GGCT: variants seen among roughly 807,000 people sequenced by gnomAD.
GGCT encodes the protein cytochrome c-releasing factor 21.
Under a neutral mutation model 22.1 loss-of-function variants are expected in GGCT, and 20 were observed. The ratio of observed to expected loss-of-function variants is 0.91; its 90% CI spans 0.64 to 1.32. The LOEUF (loss-of-function observed/expected upper bound fraction) is 1.32, where lower values mean the gene tolerates loss of function less well. GGCT is among the 40% of genes most tolerant of loss of function. The pLI is 0.00. For missense variants in GGCT, 209 were observed against 223.5 expected, an observed-to-expected ratio of 0.94 and a Z score of 0.41; for synonymous variants, 72 against 78.4, an observed-to-expected ratio of 0.92 and a Z score of 0.43.
chr7:30,497,754 C>A (rs1220282346), intron 3 of GGCT: 1 of 1,435,598 alleles, frequency 7.0e-7, no homozygotes, highest in Non-Finnish European at 9.2e-7. Context: ...TTACAGGTGC[C>A]ATGACCTGAT....
chr7:30,501,109 C>T (rs949632994), intron 1 of GGCT, among the ~76,000 whole-genome samples: 2 of 152,100 alleles, frequency 1.3e-5, no homozygotes, highest in Non-Finnish European at 2.9e-5. Flanking sequence ...TGTAGAGTAT[C>T]CTACCAACAT....
chr7:30,499,154 G>C (rs1310047162), intron 2 of GGCT: 3 of 523,954 alleles, frequency 5.7e-6, no homozygotes, highest in East Asian at 7.3e-5. Flanking sequence ...GCTCACATCT[G>C]TAATCCCAGC....
chr7:30,497,768 G>GC, intron 3 of GGCT: 1 of 1,445,504 alleles, frequency 6.9e-7, no homozygotes, highest in Non-Finnish European at 9.2e-7. Context: ...ACCTGATTGG[G>GC]CCTGCCAACA....
rs1335362335 is a variant in GGCT at position 30,498,811 on chromosome 7, A to G, written c.415T>C (p.Tyr139His). The change falls in exon 3 of 4, where the codon TAT becomes CAT. Residue 139 changes from tyrosine (Y) to histidine (H), a missense_variant. Coordinates refer to ENST00000275428, the MANE Select transcript of GGCT (RefSeq NM_024051.4). ...NYESAPPSPQYKKIICMGAKE... is the reference protein window; with the variant it reads ...NYESAPPSPQHKKIICMGAKE... ...GTCTGTAAATAGCTTACCTTTTTAT[A>G]CTGTGGGGATGGGGGAGCACTTTCG... 1 of 1,612,582 alleles carries G rather than the reference A, an allele frequency of 6.2e-7. No individual in the cohort carries two copies. Among genetic ancestry groups the G allele is most frequent in the South Asian group, 1.1e-5 (1 of 91,048 alleles).
At chr7:30,499,856 A>C (rs1348505513) in intron 2 of GGCT, among the ~76,000 whole-genome samples, 1 of 144,326 alleles carries the variant, frequency 6.9e-6, no homozygotes, top group Non-Finnish European at 1.5e-5. Flanking sequence ...TTTCAACTTT[A>C]TACTATGGAA....
In GGCT at chr7:30,496,908, T is replaced by A. The variant is rs1789548168; in HGVS notation, c.*184A>T. 1 of 413,250 alleles carries A rather than the reference T, an allele frequency of 2.4e-6. No individual in the cohort carries two copies. The highest frequency in any genetic ancestry group is 4.3e-6 in the Non-Finnish European group (1 of 234,778). The allele number at this position is 413,250 out of a possible 1,614,324, so 25.6% of individuals were successfully genotyped here. On this transcript the variant is annotated 3_prime_UTR_variant, in exon 4 of 4. Coordinates refer to ENST00000275428, the MANE Select transcript of GGCT (RefSeq NM_024051.4). The stretch of plus-strand genomic sequence containing the variant: ...CAGGCCCTCATACACCCCTTTTAAA[T>A]TGTCTAACTCCTATCCCAGTTTCTT...
At position 30,504,701 on chromosome 7, in the gene GGCT, G is replaced by C. The variant is rs542428434; in HGVS notation, c.9C>G (p.Asn3Lys). 1 of 1,614,104 alleles carries C rather than the reference G, an allele frequency of 6.2e-7. No individual in the cohort carries two copies. The highest frequency in any genetic ancestry group is 2.2e-5 in the East Asian group (1 of 44,866). The change falls in exon 1 of 4, where the codon AAC (asparagine) becomes AAG (lysine). Residue 3 changes from asparagine to lysine, a missense_variant. Asn to Lys is a moderately conservative substitution (Grantham distance 94, BLOSUM62 0). Transcript: ENST00000275428. The stretch of plus-strand genomic sequence containing the variant: ...GACCCGTGACGTCCTTGCAGCCCGA[G>C]TTGGCCATATCCCACTACGCCCCTG... Reference protein sequence around the residue: MANSGCKDVTGPD... With the variant: MAKSGCKDVTGPD...
At chr7:30,499,735 C>T (rs1789654430) in intron 2 of GGCT, among the ~76,000 whole-genome samples, 6 of 151,572 alleles carry the variant, frequency 4.0e-5, no homozygotes. Flanking sequence ...GTAAGCTTAG[C>T]TTAGCATTTC....
chr7:30,504,633 A>G lies in GGCT; in HGVS notation c.77T>C (p.Leu26Pro), dbSNP rs1206065396. Residue 26 changes from leucine (L) to proline (P), a missense_variant, in exon 1 of 4, where the codon CTG (leucine) becomes CCG (proline). Transcript: ENST00000275428. ...SFLYFAYGSN[L>P]LTERIHLRNP... ...TCGGAGGTGGATCCTCTCTGTCAGC[A>G]GGTTGCTGCCGTAGGCAAAGTACAG... 3 of 1,614,018 alleles carry G rather than the reference A, an allele frequency of 1.9e-6. No individual in the cohort carries two copies. Among genetic ancestry groups the G allele is most frequent in the Non-Finnish European group, 2.5e-6 (3 of 1,179,986 alleles).
chr7:30,499,030 T>A (rs1304405132), intron 2 of GGCT, 92 bp from the exon 3 acceptor site: 5 of 1,115,574 alleles, frequency 4.5e-6, no homozygotes, highest in Non-Finnish European at 6.9e-6. Flanking sequence ...AGATGGTGTA[T>A]GGGATTAAAC....
In GGCT at chr7:30,504,824, T is replaced by A; in HGVS notation, c.-115A>T. The A allele has an allele frequency of 9.4e-7, 1 of 1,069,268 alleles. No homozygotes were observed. The highest frequency in any genetic ancestry group is 1.4e-6 in the Non-Finnish European group (1 of 713,742). 66.2% of individuals were successfully genotyped at this position (1,069,268 alleles called of 1,614,324 possible). A position where few individuals can be genotyped will look rare whatever the true frequency, so the allele number is the denominator to read the frequency against. On this transcript the variant is annotated 5_prime_UTR_variant, in exon 1 of 4. Coordinates refer to ENST00000275428, the MANE Select transcript of GGCT (RefSeq NM_024051.4). The stretch of plus-strand genomic sequence containing the variant: ...GACCGCCGCGCGGCAGCCTCAGGGT[T>A]AGGGGACTGGCGGGAAGCGTGGGCC...
intron 2 of GGCT, 34 bp from the exon 3 acceptor site, chr7:30,498,972 T>G (rs776013043): frequency 6.2e-7 from 1 of 1,610,950 alleles, no homozygotes; most frequent in Non-Finnish European, 8.5e-7. Context: ...TAACCACATT[T>G]GACCTAGCCA....
At chr7:30,498,022 TAG>T (rs201053891) in intron 3 of GGCT, 23 of 216,946 alleles carry the variant, frequency 1.1e-4, no homozygotes, top group African/African-American at 2.3e-4. Context: ...TATATATATA[TAG>T]ATACACACAC....
intron 1 of GGCT, among the ~76,000 whole-genome samples, chr7:30,501,380 TTTG>T (rs1463217139): frequency 6.6e-6 from 1 of 152,156 alleles, no homozygotes; most frequent in Non-Finnish European, 1.5e-5. Context: ...GGTGGATCAT[TTTG>T]TACACAGTGC....
At chr7:30,497,876 G>C (rs1471703790) in intron 3 of GGCT, 1 of 1,447,360 alleles carries the variant, frequency 6.9e-7, no homozygotes, top group Non-Finnish European at 9.2e-7. Context: ...CTGAAAGGCA[G>C]TGTGACGTTT....
intron 1 of GGCT, among the ~76,000 whole-genome samples, chr7:30,502,457 AC>A (rs1789727742): frequency 1.3e-5 from 2 of 152,162 alleles, no homozygotes; most frequent in African/African-American, 4.8e-5. Flanking sequence ...TTAAACCCAG[AC>A]CAGATCTCTC....
In GGCT at chr7:30,498,874, T is replaced by C. The variant is rs1789625804; in HGVS notation, c.352A>G (p.Lys118Glu). Residue 118 changes from lysine (K) to glutamate (E), a missense_variant, in exon 3 of 4, where the codon AAA becomes GAA. Transcript: ENST00000275428. ...AGATAACTTCGACAGGTTATTTCTT[T>C]TCCTTCTTGAGTTGCAACTTTAACT... ...IEVKVATQEG[K>E]EITCRSYLMT... 1 of 1,612,878 alleles carries C rather than the reference T, an allele frequency of 6.2e-7. No homozygotes were observed. Among genetic ancestry groups the C allele is most frequent in the African/African-American group, 1.3e-5 (1 of 74,906 alleles).
intron 1 of GGCT, among the ~76,000 whole-genome samples, chr7:30,503,214 T>C (rs1322014677): frequency 1.3e-5 from 2 of 152,206 alleles, no homozygotes; most frequent in Non-Finnish European, 2.9e-5. Flanking sequence ...GCACTTTGCA[T>C]GCCTCCTTTT....
In GGCT at chr7:30,496,857, T is replaced by C; in HGVS notation, c.*235A>G. 1 of 314,814 alleles carries C rather than the reference T, an allele frequency of 3.2e-6. No individual in the cohort carries two copies. The highest frequency in any genetic ancestry group is 2.2e-5 in the African/African-American group (1 of 46,382). 19.5% of individuals were successfully genotyped at this position (314,814 alleles called of 1,614,324 possible). A position where few individuals can be genotyped will look rare whatever the true frequency, so the allele number is the denominator to read the frequency against. Reference sequence around the variant, plus strand: ...TAGCTTTCAGTGTTCACAGAAGGGGTACTCACATTCATTTGTCACATATTT... The same window carrying C: ...TAGCTTTCAGTGTTCACAGAAGGGGCACTCACATTCATTTGTCACATATTT... On this transcript the variant is annotated 3_prime_UTR_variant, in exon 4 of 4. Transcript: ENST00000275428.
Sources: gnomAD v4.1 joint callset for allele counts (sites outside exome capture counted in the v4.1 genomes callset) on GRCh38, gnomAD v4.1.1 for gene constraint, MANE v1.5 for transcripts, NCBI Gene and HGNC (gene_info 2026-07-23, HGNC 2026-07-21) for gene names.